Variants in MACROD2 observed in about 807,000 individuals in gnomAD.
MACROD2 encodes the protein mono-ADP ribosylhydrolase 2.
A neutral mutation model predicts 70.4 loss-of-function variants in MACROD2; 36 were observed. The observed-to-expected ratio is 0.51, with a 90% CI of 0.39 to 0.68. The LOEUF (loss-of-function observed/expected upper bound fraction) is 0.68. MACROD2 is among the 30% of genes least tolerant of loss of function. The probability of loss-of-function intolerance (pLI) is 0.00; values close to 1 mark genes in which losing one functional copy is unlikely to be tolerated. For missense variants in MACROD2, 496 were observed against 538.4 expected (o/e 0.92, Z 0.78); for synonymous variants, 172 against 178.8 (o/e 0.96, Z 0.30).
At chr20:15,832,716 G>A (rs1004251009) in intron 8 of MACROD2, among the ~76,000 whole-genome samples, 5 of 152,212 alleles carry the variant, frequency 3.3e-5, no homozygotes, top group African/African-American at 7.2e-5. Flanking sequence ...GCATGGAGCC[G>A]AGGGTGAAGA....
At chr20:15,140,238 G>T (rs1056033208) in intron 5 of MACROD2, among the ~76,000 whole-genome samples, 2 of 152,118 alleles carry the variant, frequency 1.3e-5, no homozygotes, top group African/African-American at 4.8e-5. Context: ...GAGTTTCCCA[G>T]TCATGCCAGC....
chr20:14,364,016 G>T (rs921699499), intron 3 of MACROD2, among the ~76,000 whole-genome samples: 1 of 151,860 alleles, frequency 6.6e-6, no homozygotes, highest in African/African-American at 2.4e-5. Flanking sequence ...CCATAAATCC[G>T]AACTCTAGGG....
intron 8 of MACROD2, among the ~76,000 whole-genome samples, chr20:15,614,708 A>G (rs1731873583): frequency 6.6e-6 from 1 of 152,210 alleles, no homozygotes; most frequent in Admixed American, 6.5e-5. Flanking sequence ...CAGTAGACAT[A>G]AAGAATTGCA....
At chr20:14,478,812 A>ATGCCCTG (rs2084628049) in intron 3 of MACROD2, among the ~76,000 whole-genome samples, 1 of 152,148 alleles carries the variant, frequency 6.6e-6, no homozygotes, top group South Asian at 2.1e-4. Flanking sequence ...AGTTCTAAGG[A>ATGCCCTG]CAATTTAATT....
intron 5 of MACROD2, among the ~76,000 whole-genome samples, chr20:14,776,166 C>T (rs1329607631): frequency 1.3e-5 from 2 of 151,930 alleles, no homozygotes; most frequent in Non-Finnish European, 2.9e-5. Context: ...ATAGTAGGAG[C>T]AAACCATCGC....
At chr20:14,306,481 A>C (rs943889126) in intron 3 of MACROD2, among the ~76,000 whole-genome samples, 1 of 152,104 alleles carries the variant, frequency 6.6e-6, no homozygotes, top group Non-Finnish European at 1.5e-5. Context: ...ATCTCCATCT[A>C]GTCCTGGAGG....
intron 8 of MACROD2, among the ~76,000 whole-genome samples, chr20:15,736,981 T>C (rs1036617263): frequency 2.6e-5 from 4 of 152,104 alleles, no homozygotes; most frequent in Non-Finnish European, 5.9e-5. Context: ...AAAAAGTAAA[T>C]AACCAGAGTT....
chr20:14,900,109 TACATG>T (rs2122546415), intron 5 of MACROD2, among the ~76,000 whole-genome samples: 1 of 152,232 alleles, frequency 6.6e-6, no homozygotes, highest in Admixed American at 6.5e-5. Context: ...TAATATATAT[TACATG>T]ATTACTTTTC....
At chr20:14,984,807 G>A (rs1285163077) in intron 5 of MACROD2, among the ~76,000 whole-genome samples, 1 of 152,112 alleles carries the variant, frequency 6.6e-6, no homozygotes, top group Non-Finnish European at 1.5e-5. Context: ...TCTCGTCTGA[G>A]GAACAAATAG....
chr20:14,656,526 G>T (rs988666652), intron 4 of MACROD2, among the ~76,000 whole-genome samples: 1 of 152,184 alleles, frequency 6.6e-6, no homozygotes, highest in South Asian at 2.1e-4. Flanking sequence ...ATATAGGTTA[G>T]CTGGTTTATT....
intron 3 of MACROD2, among the ~76,000 whole-genome samples, chr20:14,418,056 C>T (rs1473992506): frequency 6.6e-6 from 1 of 151,946 alleles, no homozygotes; most frequent in African/African-American, 2.4e-5. Flanking sequence ...TATAAGCTAA[C>T]TGAAAATGAA....
At chr20:14,852,929 T>C (rs2073214417) in intron 5 of MACROD2, among the ~76,000 whole-genome samples, 1 of 152,136 alleles carries the variant, frequency 6.6e-6, no homozygotes, top group South Asian at 2.1e-4. Context: ...AAGACGTTGC[T>C]GTCCTCAAGA....
intron 13 of MACROD2, among the ~76,000 whole-genome samples, chr20:15,971,535 C>T (rs939859355): frequency 6.6e-6 from 1 of 152,126 alleles, no homozygotes; most frequent in African/African-American, 2.4e-5. Context: ...TCCATTAAAC[C>T]TCTTTTTCTT....
intron 2 of MACROD2, among the ~76,000 whole-genome samples, chr20:14,069,295 C>G (rs544199997): frequency 2.0e-5 from 3 of 152,174 alleles, no homozygotes; most frequent in African/African-American, 7.2e-5. Context: ...ATTTAAAAAT[C>G]AGGGGATTTT....
At chr20:14,597,387 A>G (rs982955072) in intron 4 of MACROD2, among the ~76,000 whole-genome samples, 2 of 152,168 alleles carry the variant, frequency 1.3e-5, no homozygotes, top group African/African-American at 4.8e-5. Flanking sequence ...TCTAAATACA[A>G]TAGTGTTTTT....
Position 14,029,877 on chromosome 20 carries a change from GTTTC to G in MACROD2, c.163+27480_163+27483del, listed in dbSNP as rs139972782. Among the ~76,000 whole-genome samples the G allele has an allele frequency of 6.6e-4, 100 of 152,242 alleles. 1 individual carries two copies. The East Asian group carries it at 0.019, about 29-fold the overall frequency. Reference sequence around the variant, plus strand: ...CTGTTATTGATTGGAACACCATTGAGTTTCTTTCTTAATGTAAGACAGGCAACTA... The same window carrying G: ...CTGTTATTGATTGGAACACCATTGAGTTTCTTAATGTAAGACAGGCAACTA... On this transcript the variant is annotated intron_variant, in intron 2 of 17. Transcript: ENST00000684519.
chr20:15,854,119 A>G (rs2064330939), intron 8 of MACROD2, among the ~76,000 whole-genome samples: 1 of 152,112 alleles, frequency 6.6e-6, no homozygotes, highest in Non-Finnish European at 1.5e-5. Flanking sequence ...ATGATGGGGT[A>G]GTCACTCTGT....
At chr20:14,448,845 A>G (rs1162024844) in intron 3 of MACROD2, among the ~76,000 whole-genome samples, 1 of 152,106 alleles carries the variant, frequency 6.6e-6, no homozygotes, top group Non-Finnish European at 1.5e-5. Context: ...TAATATCACT[A>G]ATTTTTAATT....
chr20:15,893,862 G>C (rs2064927504), intron 10 of MACROD2: 9 of 456,702 alleles, frequency 2.0e-5, no homozygotes, highest in Non-Finnish European at 4.0e-5. Flanking sequence ...AAAGGTGAGA[G>C]AAATGGGCAA....
Sources: allele counts gnomAD v4.1 joint callset (sites outside exome capture counted in the v4.1 genomes callset), GRCh38; gene constraint gnomAD v4.1.1; transcripts MANE v1.5; gene names NCBI Gene and HGNC (gene_info 2026-07-23, HGNC 2026-07-21).